The following CSMD1 variants were observed in gnomAD, a reference collection of about 807,000 sequenced individuals.
CSMD1 encodes the protein CUB and Sushi multiple domains 1.
A neutral mutation model predicts 417.5 loss-of-function variants in CSMD1; 213 were observed. The ratio of observed to expected loss-of-function variants is 0.51; its 90% confidence interval spans 0.46 to 0.57. The LOEUF (loss-of-function observed/expected upper bound fraction) is 0.57, where lower values mean the gene tolerates loss of function less well. Ranked by LOEUF, CSMD1 falls within the 20% of genes least tolerant of loss-of-function variation. The pLI is 0.00. For missense variants in CSMD1, 6,923 were observed against 4,529.7 expected, an observed-to-expected ratio of 1.53 and a Z score of -15.17; for synonymous variants, 2,862 against 1,736.8, an observed-to-expected ratio of 1.65 and a Z score of -16.11.
chr8:3,169,022 G>C (rs1403333336), intron 37 of CSMD1, among the ~76,000 whole-genome samples: 1 of 152,132 alleles, frequency 6.6e-6, no homozygotes, highest in African/African-American at 2.4e-5. Context: ...TTAATACATG[G>C]TTTCCAAAAT....
intron 3 of CSMD1, among the ~76,000 whole-genome samples, chr8:4,168,973 C>A (rs112112349): frequency 7.2e-5 from 11 of 152,046 alleles, no homozygotes; most frequent in African/African-American, 2.7e-4. Flanking sequence ...ATCCTCAGGC[C>A]GTTCTCCTCA....
intron 63 of CSMD1, among the ~76,000 whole-genome samples, chr8:2,956,527 C>A (rs962509853): frequency 4.6e-5 from 7 of 152,012 alleles, no homozygotes; most frequent in Non-Finnish European, 8.8e-5. Flanking sequence ...GATCTCCGCT[C>A]GCTGCAAGCT....
chr8:3,499,873 C>T (rs1038023136), intron 10 of CSMD1, among the ~76,000 whole-genome samples: 1 of 152,018 alleles, frequency 6.6e-6, no homozygotes, highest in Admixed American at 6.6e-5. Flanking sequence ...GAAAATGGCA[C>T]CATGCTGCAG....
At chr8:3,813,827 T>C (rs1372805398) in intron 5 of CSMD1, among the ~76,000 whole-genome samples, 1 of 152,160 alleles carries the variant, frequency 6.6e-6, no homozygotes, top group Non-Finnish European at 1.5e-5. Flanking sequence ...GTATGTCTTC[T>C]TGAAAGCTTC....
chr8:3,309,237 C>G (rs1186664565), intron 23 of CSMD1, among the ~76,000 whole-genome samples: 2 of 152,154 alleles, frequency 1.3e-5, no homozygotes, highest in Non-Finnish European at 2.9e-5. Context: ...ATCCTGACAG[C>G]CAGCACTTAT....
At position 4,888,994 on chromosome 8, in the gene CSMD1, G is replaced by C. The variant is rs527814845; in HGVS notation, c.85+105338C>G. Among the ~76,000 whole-genome samples the C allele has an allele frequency of 3.3e-5, 5 of 152,172 alleles. No homozygotes were observed. In the South Asian group the frequency reaches 6.2e-4, roughly 19 times the overall value. ...ATTTCCAAGCATCAAAGAAATGATG[G>C]AAATAGAAAAATCACCATTTGGCAA... On this transcript the variant is annotated intron_variant, in intron 1 of 69. Coordinates refer to ENST00000635120, the MANE Select transcript of CSMD1 (RefSeq NM_033225.6).
chr8:3,779,095 A>T (rs537346118), intron 5 of CSMD1, among the ~76,000 whole-genome samples: 1 of 151,430 alleles, frequency 6.6e-6, no homozygotes, highest in Admixed American at 6.6e-5. Flanking sequence ...AGGTTAAAAG[A>T]CTCCTAATGT....
intron 49 of CSMD1, among the ~76,000 whole-genome samples, chr8:3,082,022 C>T (rs1193540850): frequency 6.6e-6 from 1 of 152,184 alleles, no homozygotes; most frequent in Non-Finnish European, 1.5e-5. Context: ...ATGTCCCCCA[C>T]CAACATATGT....
chr8:4,619,318 T>C (rs961138352), intron 2 of CSMD1, among the ~76,000 whole-genome samples: 1 of 152,166 alleles, frequency 6.6e-6, no homozygotes, highest in Non-Finnish European at 1.5e-5. Context: ...CTTCTCCAAA[T>C]AAACATAATT....
chr8:3,284,672 CA>C, intron 25 of CSMD1: 1 of 281,018 alleles, frequency 3.6e-6, no homozygotes, highest in Non-Finnish European at 6.9e-6. Context: ...CTACGGCACA[CA>C]AACCAAATAT....
At chr8:2,966,397 A>AT (rs1056743068) in intron 58 of CSMD1, among the ~76,000 whole-genome samples, 173 bp downstream of exon 58, 1 of 152,220 alleles carries the variant, frequency 6.6e-6, no homozygotes, top group Non-Finnish European at 1.5e-5. Context: ...GCAACTGGAA[A>AT]AAAAATCTTA....
chr8:3,619,296 C>G (rs900228), intron 7 of CSMD1, among the ~76,000 whole-genome samples: 80,133 of 151,632 alleles, frequency 0.53, 20,954 homozygotes, highest in Middle Eastern at 0.63. Flanking sequence ...TTGATCTCAA[C>G]GTTCAGAGGC....
intron 2 of CSMD1, among the ~76,000 whole-genome samples, chr8:4,585,343 G>T (rs1433131406): frequency 6.6e-6 from 1 of 152,186 alleles, no homozygotes; most frequent in East Asian, 1.9e-4. Flanking sequence ...GTTGAAAAGA[G>T]GATTAGAGAA....
At chr8:4,804,627 G>C (rs1047236695) in intron 1 of CSMD1, among the ~76,000 whole-genome samples, 2 of 152,008 alleles carry the variant, frequency 1.3e-5, no homozygotes, top group African/African-American at 2.4e-5. Context: ...GGATATAAAA[G>C]GCAGAGAGAG....
intron 1 of CSMD1, among the ~76,000 whole-genome samples, chr8:4,884,615 T>C (rs1803612318): frequency 6.6e-6 from 1 of 152,100 alleles, no homozygotes; most frequent in South Asian, 2.1e-4. Context: ...TCTAGCATAT[T>C]TGTTGAAAAG....
chr8:2,948,927 A>G (rs1323531899), intron 68 of CSMD1, among the ~76,000 whole-genome samples: 3 of 151,362 alleles, frequency 2.0e-5, no homozygotes, highest in Non-Finnish European at 4.4e-5. Context: ...ATTTCTGAAG[A>G]TCTTTTTATA....
intron 25 of CSMD1, among the ~76,000 whole-genome samples, chr8:3,287,918 A>C (rs984243370): frequency 4.8e-5 from 7 of 145,990 alleles, no homozygotes; most frequent in Non-Finnish European, 7.4e-5. Flanking sequence ...TTGCCTATTC[A>C]GTATGATATT....
At chr8:3,660,729 CA>C (rs5888981) in intron 7 of CSMD1, among the ~76,000 whole-genome samples, 35,368 of 151,800 alleles carry the variant, frequency 0.23, 4,667 homozygotes, top group East Asian at 0.49. Flanking sequence ...CCATGTTGGT[CA>C]GGGTGATGTC....
intron 3 of CSMD1, among the ~76,000 whole-genome samples, chr8:4,053,823 T>A (rs750623656): frequency 6.6e-6 from 1 of 152,146 alleles, no homozygotes; most frequent in Non-Finnish European, 1.5e-5. Flanking sequence ...TTTACAAAAA[T>A]GTTCAGTAGC....
Sources: gnomAD v4.1 joint callset for allele counts (sites outside exome capture counted in the v4.1 genomes callset) on GRCh38, gnomAD v4.1.1 for gene constraint, MANE v1.5 for transcripts, NCBI Gene and HGNC (gene_info 2026-07-23, HGNC 2026-07-21) for gene names.